CALN1: variants seen among roughly 807,000 people sequenced by gnomAD.
CALN1 encodes calcium-binding protein 8.
A neutral mutation model predicts 30.6 loss-of-function variants in CALN1; 17 were observed. The ratio of observed to expected loss-of-function variants is 0.56; its 90% CI spans 0.38 to 0.83. The LOEUF (loss-of-function observed/expected upper bound fraction) is 0.83, where lower values mean the gene tolerates loss of function less well. Ranked by LOEUF, CALN1 falls within the 40% of genes least tolerant of loss-of-function variation. The pLI is 0.00. For synonymous variants in CALN1, 156 were observed against 131.4 expected (o/e 1.19, Z -1.28); for missense variants, 291 against 354.9 (o/e 0.82, Z 1.45).
chr7:72,353,511 G>A (rs1012477855), intron 2 of CALN1, among the ~76,000 whole-genome samples: 9 of 151,992 alleles, frequency 5.9e-5, no homozygotes, highest in African/African-American at 2.2e-4. Context: ...AAGAGTGTTT[G>A]GCAAAATTCA....
chr7:72,182,417 A>T (rs1789877256), intron 3 of CALN1, among the ~76,000 whole-genome samples: 1 of 152,210 alleles, frequency 6.6e-6, no homozygotes. Context: ...TGGGCTTTTA[A>T]AAGATGACTG....
intron 5 of CALN1, among the ~76,000 whole-genome samples, chr7:72,010,255 T>A (rs536580713): frequency 7.2e-5 from 11 of 152,120 alleles, no homozygotes; most frequent in Non-Finnish European, 1.3e-4. Context: ...AATCCCCTTA[T>A]CCCAAGGGAT....
chr7:72,485,084 T>C, the CALN1 span, among the ~76,000 whole-genome samples: 2 of 151,618 alleles, frequency 1.3e-5, no homozygotes, highest in East Asian at 3.9e-4. Context: ...CTACTAAAAA[T>C]ACAAAAAAAA....
intron 5 of CALN1, among the ~76,000 whole-genome samples, chr7:71,990,076 T>C (rs1043215797): frequency 1.1e-4 from 17 of 152,254 alleles, no homozygotes; most frequent in Middle Eastern, 3.4e-3. Flanking sequence ...CAGGATGAGA[T>C]TGGAGTTTGG....
At chr7:72,299,706 T>TC (rs1307900574) in intron 2 of CALN1, among the ~76,000 whole-genome samples, 2 of 134,646 alleles carry the variant, frequency 1.5e-5, no homozygotes, top group African/African-American at 5.4e-5. Flanking sequence ...TTTTTTTTTT[T>TC]TTTTAAAAAG....
rs10253308 is a variant in CALN1, at chr7:72,250,609, G to A, written c.244+28077C>T. Among the ~76,000 whole-genome samples the A allele has an allele frequency of 9.3e-4, 142 of 152,186 alleles. 1 individual carries two copies. Among genetic ancestry groups the A allele is most frequent in the African/African-American group, 3.3e-3 (137 of 41,532 alleles). ...GTGGGAAGTGTTTGGGTCATGGGGC[G>A]GATCCCTCATGAATGGTTTGGTGCC... On this transcript the variant is annotated intron_variant, in intron 3 of 6. Transcript: ENST00000395275.
chr7:72,283,054 C>T (rs1178447878), intron 2 of CALN1, among the ~76,000 whole-genome samples: 1 of 122,342 alleles, frequency 8.2e-6, no homozygotes, highest in African/African-American at 3.1e-5. Flanking sequence ...GACTCCATCT[C>T]AAAAAAAAAA....
At chr7:71,820,541 C>T (rs971378238) in intron 5 of CALN1, among the ~76,000 whole-genome samples, 3 of 152,292 alleles carry the variant, frequency 2.0e-5, no homozygotes, top group South Asian at 2.1e-4. Flanking sequence ...ACCACATTCA[C>T]AATAGACATA....
chr7:71,910,399 T>C (rs1473138855), intron 5 of CALN1, among the ~76,000 whole-genome samples: 2 of 152,140 alleles, frequency 1.3e-5, no homozygotes, highest in African/African-American at 2.4e-5. Flanking sequence ...AGGACATTCC[T>C]CTTACGTGCC....
intron 3 of CALN1, among the ~76,000 whole-genome samples, chr7:72,133,002 T>C (rs1012125881): frequency 5.3e-5 from 8 of 152,004 alleles, no homozygotes; most frequent in Non-Finnish European, 8.8e-5. Context: ...GGGATCTAGG[T>C]TGGGCACTCT....
the CALN1 span, among the ~76,000 whole-genome samples, chr7:72,454,189 A>T: frequency 6.6e-6 from 1 of 152,208 alleles, no homozygotes; most frequent in African/African-American, 2.4e-5. Context: ...CTCTCAATTC[A>T]TCATCTGTGG....
intron 4 of CALN1, among the ~76,000 whole-genome samples, chr7:72,041,092 G>A (rs1454288979): frequency 6.6e-6 from 1 of 152,226 alleles, no homozygotes; most frequent in Admixed American, 6.5e-5. Context: ...GCCTAAAATT[G>A]AGGCAAAAGA....
chr7:72,108,405 A>G (rs192725936), intron 3 of CALN1, among the ~76,000 whole-genome samples: 20 of 152,342 alleles, frequency 1.3e-4, no homozygotes, highest in Non-Finnish European at 2.6e-4. Flanking sequence ...TGAGATTGCT[A>G]CACTATTGCA....
chr7:72,285,987 C>T (rs922218602), intron 2 of CALN1, among the ~76,000 whole-genome samples: 5 of 152,278 alleles, frequency 3.3e-5, no homozygotes, highest in Admixed American at 2.0e-4. Flanking sequence ...AAAACAACCA[C>T]GAAAGCACAC....
chr7:72,009,833 C>T (rs989339464), intron 5 of CALN1, among the ~76,000 whole-genome samples: 9 of 152,132 alleles, frequency 5.9e-5, no homozygotes, highest in Non-Finnish European at 1.3e-4. Flanking sequence ...GTGAGGCCTC[C>T]CCAGCCACGT....
chr7:72,415,442 GCT>G (rs1807392150), upstream of CALN1, among the ~76,000 whole-genome samples: 3 of 152,256 alleles, frequency 2.0e-5, no homozygotes, highest in Non-Finnish European at 4.4e-5. Flanking sequence ...ATCCATTGTT[GCT>G]ATGAGTGAGT....
chr7:72,374,589 G>A (rs1487442719), intron 2 of CALN1, among the ~76,000 whole-genome samples: 5 of 143,486 alleles, frequency 3.5e-5, no homozygotes, highest in African/African-American at 7.6e-5. Context: ...GAAATACAAA[G>A]GCACTTTCTC....
At chr7:72,493,559 G>A in the CALN1 span, among the ~76,000 whole-genome samples, 3 of 152,094 alleles carry the variant, frequency 2.0e-5, no homozygotes, top group Non-Finnish European at 4.4e-5. Context: ...AGCTGGTCTC[G>A]AAATCCTGAC....
chr7:72,455,698 GTGT>G, the CALN1 span, among the ~76,000 whole-genome samples: 1 of 152,136 alleles, frequency 6.6e-6, no homozygotes, highest in Non-Finnish European at 1.5e-5. Context: ...AAGATCATAG[GTGT>G]TGATGAGGTG....
Sources: allele counts gnomAD v4.1 joint callset (sites outside exome capture counted in the v4.1 genomes callset), GRCh38; gene constraint gnomAD v4.1.1; transcripts MANE v1.5; gene names NCBI Gene and HGNC (gene_info 2026-07-23, HGNC 2026-07-21).